CDH18: variants seen among roughly 807,000 people sequenced by gnomAD.
CDH18 encodes the protein cadherin-18.
In CDH18, 31 loss-of-function variants were observed where a neutral mutation model predicts 67.9. That is an observed-to-expected ratio of 0.46 (90% CI 0.34 to 0.62). The LOEUF is 0.62. Ranked by LOEUF, CDH18 falls within the 20% of genes least tolerant of loss-of-function variation. The pLI, the probability that CDH18 is intolerant of heterozygous loss-of-function variation, is 0.01. For missense variants in CDH18, 890 were observed against 975.5 expected, an observed-to-expected ratio of 0.91 and a Z score of 1.17; for synonymous variants, 362 against 347.2, an observed-to-expected ratio of 1.04 and a Z score of -0.48.
In CDH18 at chr5:19,591,119, T is replaced by G. The variant is rs959562682; in HGVS notation, c.937A>C (p.Met313Leu). Residue 313 changes from methionine (M) to leucine (L), a missense_variant, in exon 7 of 13, where the codon ATG becomes CTG. Physicochemically the swap from Met to Leu is conservative, Grantham distance 15. Coordinates refer to ENST00000382275, the MANE Select transcript of CDH18 (RefSeq NM_004934.5). ...MTYSIINGDGMGIFSISTDKE... is the reference protein window; with the variant it reads ...MTYSIINGDGLGIFSISTDKE... Reference sequence around the variant, plus strand: ...TCAGTGGAGATTGAGAATATTCCCATGCCATCACCATTTATGATGGAGTAG... The same window carrying G: ...TCAGTGGAGATTGAGAATATTCCCAGGCCATCACCATTTATGATGGAGTAG... 2 of 1,611,106 alleles carry G rather than the reference T, an allele frequency of 1.2e-6. No homozygotes were observed. Among genetic ancestry groups the G allele is most frequent in the Non-Finnish European group, 1.7e-6 (2 of 1,177,784 alleles).
At chr5:19,814,720 T>A (rs1285911377) in intron 3 of CDH18, among the ~76,000 whole-genome samples, 1 of 151,960 alleles carries the variant, frequency 6.6e-6, no homozygotes, top group Admixed American at 6.6e-5. Context: ...TTTATTCTGA[T>A]AAAAATGTAT....
chr5:19,618,419 TG>T (rs1340783539), intron 5 of CDH18, among the ~76,000 whole-genome samples: 2 of 152,184 alleles, frequency 1.3e-5, no homozygotes, highest in South Asian at 2.1e-4. Flanking sequence ...TTGGCCAGGC[TG>T]GTCTTGAACA....
chr5:19,789,274 T>C (rs773109844), intron 3 of CDH18, among the ~76,000 whole-genome samples: 4 of 152,208 alleles, frequency 2.6e-5, no homozygotes, highest in African/African-American at 4.8e-5. Flanking sequence ...AGTTATTTTA[T>C]CTGTAAAGTA....
At chr5:20,304,264 C>G in intron 1 of CDH18, 2 of 1,600,202 alleles carry the variant, frequency 1.2e-6, no homozygotes, top group Non-Finnish European at 1.7e-6. Flanking sequence ...TGGTGTCTGC[C>G]CGCACCAAAA....
intron 2 of CDH18, chr5:19,886,078 A>G (rs563738854): frequency 6.6e-6 from 1 of 152,292 alleles, no homozygotes; most frequent in South Asian, 2.1e-4. Flanking sequence ...TAAAGCAAAA[A>G]AGTAAAACAA....
rs370923935 is a variant in CDH18 at position 20,354,960 on chromosome 5, G to T, written c.-579-99455C>A. ...TTGCTCCAAGACAATATCTGACCAGGACCACTTTACTACGAGGGCCAATTA... is the reference window on the plus strand; with the variant it reads ...TTGCTCCAAGACAATATCTGACCAGTACCACTTTACTACGAGGGCCAATTA... On this transcript the variant is annotated intron_variant, in intron 1 of 14. Coordinates refer to the CDH18 transcript ENST00000507958. Among the ~76,000 whole-genome samples the T allele has an allele frequency of 4.6e-4, 70 of 152,170 alleles. 2 individuals are homozygous for T. The East Asian group carries it at 6.2e-3, about 13-fold the overall frequency.
intron 7 of CDH18, among the ~76,000 whole-genome samples, chr5:19,584,139 G>T (rs187136877): frequency 6.6e-6 from 1 of 152,296 alleles, no homozygotes; most frequent in East Asian, 1.9e-4. Context: ...TATGTCAGAG[G>T]AAAGAGAGTA....
At chr5:19,480,569 G>C (rs1191342150) in intron 12 of CDH18, among the ~76,000 whole-genome samples, 1 of 151,774 alleles carries the variant, frequency 6.6e-6, no homozygotes, top group East Asian at 2.0e-4. Flanking sequence ...AGTAGAGACA[G>C]GGTTTCACCG....
At chr5:20,501,550 A>G (rs1262180955) in intron 1 of CDH18, among the ~76,000 whole-genome samples, 7 of 25,724 alleles carry the variant, frequency 2.7e-4, no homozygotes, top group Non-Finnish European at 5.5e-4. Context: ...TACATATTAT[A>G]TATATAATAT....
At chr5:19,552,740 C>T (rs1035337162) in intron 8 of CDH18, among the ~76,000 whole-genome samples, 3 of 152,118 alleles carry the variant, frequency 2.0e-5, no homozygotes, top group African/African-American at 7.2e-5. Flanking sequence ...TTTATTAGCC[C>T]TCTAACTGGA....
chr5:20,510,293 A>G (rs1423996509), intron 1 of CDH18, among the ~76,000 whole-genome samples: 1 of 151,950 alleles, frequency 6.6e-6, no homozygotes, highest in Non-Finnish European at 1.5e-5. Context: ...TTGAATATTG[A>G]CCCTTGATCA....
At chr5:20,311,199 G>C (rs1288983280) in intron 1 of CDH18, among the ~76,000 whole-genome samples, 3 of 152,182 alleles carry the variant, frequency 2.0e-5, no homozygotes, top group Non-Finnish European at 2.9e-5. Flanking sequence ...CTTTTGGTGG[G>C]AGGGTAAATT....
intron 1 of CDH18, among the ~76,000 whole-genome samples, chr5:20,480,873 A>G (rs1752757929): frequency 6.6e-6 from 1 of 152,218 alleles, no homozygotes; most frequent in Non-Finnish European, 1.5e-5. Flanking sequence ...CAAAAAATAA[A>G]AAGTGAGAAA....
At chr5:19,657,679 T>A (rs978094537) in intron 5 of CDH18, among the ~76,000 whole-genome samples, 1 of 152,156 alleles carries the variant, frequency 6.6e-6, no homozygotes, top group Non-Finnish European at 1.5e-5. Context: ...TTTAAATGTA[T>A]TTTCCAATTG....
intron 5 of CDH18, among the ~76,000 whole-genome samples, chr5:19,709,165 C>T (rs1764372445): frequency 6.6e-6 from 1 of 151,800 alleles, no homozygotes; most frequent in South Asian, 2.1e-4. Context: ...TCACCTGGCA[C>T]TTACCACTCA....
intron 3 of CDH18, among the ~76,000 whole-genome samples, chr5:19,747,764 A>T (rs1267220112): frequency 1.3e-5 from 2 of 151,998 alleles, no homozygotes. Context: ...ATTTGAAAAA[A>T]AAATGAAATC....
intron 1 of CDH18, among the ~76,000 whole-genome samples, chr5:20,336,924 A>G (rs1438374245): frequency 1.3e-5 from 2 of 152,012 alleles, no homozygotes; most frequent in African/African-American, 2.4e-5. Context: ...TCAGGCACTC[A>G]TGGATAATAA....
At chr5:20,026,502 T>C (rs778643972) in intron 2 of CDH18, among the ~76,000 whole-genome samples, 1 of 152,184 alleles carries the variant, frequency 6.6e-6, no homozygotes, top group Non-Finnish European at 1.5e-5. Flanking sequence ...CATGAAAGCA[T>C]AGAAATCCTA....
At chr5:19,980,625 T>G in intron 2 of CDH18, among the ~76,000 whole-genome samples, 1 of 152,146 alleles carries the variant, frequency 6.6e-6, no homozygotes. Context: ...CTCCCCATCT[T>G]TTGAACCCAC....
Sources: allele counts gnomAD v4.1 joint callset (sites outside exome capture counted in the v4.1 genomes callset), GRCh38; gene constraint gnomAD v4.1.1; transcripts MANE v1.5; gene names NCBI Gene and HGNC (gene_info 2026-07-23, HGNC 2026-07-21).